SSX7: variants seen among roughly 807,000 people sequenced by gnomAD.
SSX7 encodes SSX family member 7.
A neutral mutation model predicts 14.7 loss-of-function variants in SSX7; 15 were observed. The observed-to-expected ratio is 1.02, with a 90% CI of 0.68 to 1.58. The LOEUF (loss-of-function observed/expected upper bound fraction) is 1.58. Among genes scored for constraint, SSX7 ranks in the 40% most tolerant of loss-of-function variants. SSX7 has a pLI of 0.00. For missense variants in SSX7, 178 were observed against 146.8 expected (o/e 1.21, Z -1.10); for synonymous variants, 46 against 50.6 (o/e 0.91, Z 0.38).
rs1925178792 is a variant in SSX7, at chrX:52,644,754, G to T, written c.*5-84C>A. 3.1e-5 allele frequency: 31 copies of T among 1,008,920 alleles called. 1 individual carries two copies. The highest frequency in any genetic ancestry group is 4.3e-5 in the Non-Finnish European group (31 of 722,553). The allele number at this position is 1,008,920 out of a possible 1,213,427, so 83.1% of individuals were successfully genotyped here. On this transcript the variant is annotated intron_variant, in intron 7 of 7. Coordinates refer to ENST00000298181, the MANE Select transcript of SSX7 (RefSeq NM_173358.2). ...CAATCTCAACTCCTCCTGACCTGCA[G>T]ACCCTGCACACTCTGATTCTGCCCT... is the stretch of plus-strand genomic sequence containing the variant.
intron 5 of SSX7, among the ~76,000 whole-genome samples, chrX:52,648,643 A>G (rs782632153): frequency 1.1e-3 from 127 of 111,947 alleles, no homozygotes; most frequent in African/African-American, 4.0e-3. Flanking sequence ...TGCAAACAGT[A>G]AAAATCTCCA....
At chrX:52,645,783 T>C (rs3014659) in intron 6 of SSX7, among the ~76,000 whole-genome samples, 73 of 111,559 alleles carry the variant, frequency 6.5e-4, no homozygotes, top group African/African-American at 1.9e-3. Context: ...TTCCCAACCT[T>C]TTCACTTACG....
At position 52,648,354 on chromosome X, in the gene SSX7, C is replaced by T. The variant is rs782337395; in HGVS notation, c.373G>A (p.Gly125Arg). The T allele has an allele frequency of 1.9e-5, 23 of 1,211,685 alleles. No homozygotes were observed. The East Asian group carries it at 6.5e-4, about 34-fold the overall frequency. ...TGTGAGCCAGATGCTTCTGGCACTC[C>T]CTTCGAATCATTTCCTTCCTCTGCT... ...KPAEEGNDSK[G>R]VPEASGSQND... Residue 125 changes from glycine to arginine, a missense_variant, in exon 6 of 8, where the codon GGA (glycine) becomes AGA (arginine). Transcript: ENST00000298181.
At chrX:52,653,586 G>A in intron 1 of SSX7, 94 bp from the exon 2 acceptor site, 1 of 1,026,682 alleles carries the variant, frequency 9.7e-7, no homozygotes. Context: ...CAGTCACCTG[G>A]AATCAGGTGC....
chrX:52,653,667 A>T (rs1469175183), intron 1 of SSX7, among the ~76,000 whole-genome samples, 175 bp from the exon 2 acceptor site: 2 of 110,213 alleles, frequency 1.8e-5, no homozygotes, highest in African/African-American at 6.6e-5. Flanking sequence ...AAAATAGGGA[A>T]CCAGGGGTCT....
chrX:52,651,752 G>A (rs6568281), intron 4 of SSX7, among the ~76,000 whole-genome samples: 6,765 of 110,997 alleles, frequency 0.061, 493 homozygotes, highest in African/African-American at 0.21. Flanking sequence ...GCGGGCACCC[G>A]TAACCCCAGC....
chrX:52,648,095 G>A (rs1556766550), intron 6 of SSX7, among the ~76,000 whole-genome samples, 166 bp downstream of exon 6: 1 of 112,120 alleles, frequency 8.9e-6, no homozygotes, highest in African/African-American at 3.2e-5. Context: ...GACAACTCCA[G>A]TCTGTATCTC....
Position 52,653,442 on chromosome X carries a change from G to A in SSX7, c.31C>T (p.Pro11Ser). The A allele has an allele frequency of 1.7e-6, 2 of 1,211,473 alleles. No homozygotes were observed. Among genetic ancestry groups the A allele is most frequent in the South Asian group, 1.8e-5 (1 of 56,929 alleles). Residue 11 changes from proline to serine, a missense_variant, in exon 2 of 8, where the codon CCT becomes TCT. By Grantham distance (74) the Pro-to-Ser change is moderately conservative. Coordinates refer to ENST00000298181, the MANE Select transcript of SSX7 (RefSeq NM_173358.2). Reference sequence around the variant, plus strand: ...TCTGGTATTTGAGCACCAGCCCTAGGTCTCCTTGCAAAGGCGTCGTCTCCG... The same window carrying A: ...TCTGGTATTTGAGCACCAGCCCTAGATCTCCTTGCAAAGGCGTCGTCTCCG... MNGDDAFARR[P>S]RAGAQIPEKI...
intron 4 of SSX7, among the ~76,000 whole-genome samples, chrX:52,651,699 A>T (rs2146497640): frequency 9.0e-6 from 1 of 110,951 alleles, no homozygotes; most frequent in African/African-American, 3.3e-5. Flanking sequence ...AACATGGTAA[A>T]ACCCCGTCTC....
In SSX7 at chrX:52,645,291, A is replaced by C. The variant is rs1250547000; in HGVS notation, c.*4+148T>G. ...GTCAAAAAAAAAAAAAAAACGTGGG[A>C]AATCTCTCATCATTCGGCCTCAATG... On this transcript the variant is annotated intron_variant, in intron 7 of 7. Coordinates refer to ENST00000298181, the MANE Select transcript of SSX7 (RefSeq NM_173358.2). The C allele has an allele frequency of 6.7e-5, 65 of 971,180 alleles. No homozygotes were observed. The East Asian group carries it at 7.7e-4, about 12-fold the overall frequency. The allele number at this position is 971,180 out of a possible 1,213,427, so 80.0% of individuals were successfully genotyped here.
At chrX:52,650,955 G>T (rs1556766933) in intron 4 of SSX7, among the ~76,000 whole-genome samples, 1 of 112,272 alleles carries the variant, frequency 8.9e-6, no homozygotes, top group Non-Finnish European at 1.9e-5. Context: ...TTTAGTTGGG[G>T]AGTAATAGGT....
In SSX7 at chrX:52,645,422, G is replaced by A. The variant is rs200986860; in HGVS notation, c.*4+17C>T. 1.7e-3 allele frequency: 2,043 copies of A among 1,203,822 alleles called. 4 individuals carry two copies. Among genetic ancestry groups the A allele is most frequent in the Non-Finnish European group, 1.5e-3 (1,330 of 892,888 alleles). On this transcript the variant is annotated intron_variant, in intron 7 of 7. Transcript: ENST00000298181. ...ACATCTGCAGGGATGTGGGGGATGA[G>A]CCGAAGGTTCACTTACGGAGTTACT...
In SSX7 at chrX:52,653,238, A is replaced by C. The variant is rs1448347129; in HGVS notation, c.69+166T>G. 6 of 752,198 alleles carry C rather than the reference A, an allele frequency of 8.0e-6. No individual in the cohort carries two copies. In the African/African-American group the frequency reaches 1.4e-4, roughly 17 times the overall value. 62.0% of individuals were successfully genotyped at this position (752,198 alleles called of 1,213,427 possible). A position where few individuals can be genotyped will look rare whatever the true frequency, so the allele number is the denominator to read the frequency against. On this transcript the variant is annotated intron_variant, in intron 2 of 7. Coordinates refer to ENST00000298181, the MANE Select transcript of SSX7 (RefSeq NM_173358.2). ...GTGCACGGTCACAGACTTGTCTCCA[A>C]GGATGCTAGTTGATGACAGAGCGAG...
chrX:52,648,249 C>A lies in SSX7; in HGVS notation c.466+12G>T. The A allele has an allele frequency of 8.3e-7, 1 of 1,207,483 alleles. No individual in the cohort carries two copies. The highest frequency in any genetic ancestry group is 1.1e-6 in the Non-Finnish European group (1 of 893,614). On this transcript the variant is annotated intron_variant, in intron 6 of 7. Coordinates refer to ENST00000298181, the MANE Select transcript of SSX7 (RefSeq NM_173358.2). Reference sequence around the variant, plus strand: ...AAGCCAGAGGGTTTGTTCCCGAATTCTTTCCTCTTACCGGATGTCTTGTTA... The same window carrying A: ...AAGCCAGAGGGTTTGTTCCCGAATTATTTCCTCTTACCGGATGTCTTGTTA...
At position 52,652,182 on chromosome X, in the gene SSX7, T is replaced by C. The variant is rs1925454625; in HGVS notation, c.280+70A>G. The C allele has an allele frequency of 4.3e-6, 4 of 924,244 alleles. No homozygotes were observed. The Admixed American group carries it at 9.0e-5, about 21-fold the overall frequency. 76.2% of individuals were successfully genotyped at this position (924,244 alleles called of 1,213,427 possible). A position where few individuals can be genotyped will look rare whatever the true frequency, so the allele number is the denominator to read the frequency against. ...GAGGGAACAAATGCCTGAGGATCTT[T>C]CCCAAGTAGCTGAGCTGAAAAGCAG... On this transcript the variant is annotated intron_variant, in intron 4 of 7. Coordinates refer to ENST00000298181, the MANE Select transcript of SSX7 (RefSeq NM_173358.2).
intron 5 of SSX7, 144 bp downstream of exon 5, chrX:52,650,209 C>G: frequency 1.4e-6 from 1 of 722,143 alleles, no homozygotes; most frequent in African/African-American, 2.1e-5. Flanking sequence ...TATTATTAAG[C>G]TGTTGGTGCT....
intron 5 of SSX7, among the ~76,000 whole-genome samples, chrX:52,648,965 A>C (rs1556766692): frequency 8.9e-6 from 1 of 111,795 alleles, no homozygotes; most frequent in African/African-American, 3.3e-5. Flanking sequence ...GAATTCAGTG[A>C]GGTGGTACCC....
chrX:52,653,520 C>G (rs1556767331), intron 1 of SSX7, 28 bp from the exon 2 acceptor site: 2 of 1,207,740 alleles, frequency 1.7e-6, no homozygotes, highest in Admixed American at 4.4e-5. Flanking sequence ...TGAGTCTTTC[C>G]AGCCACAGCA....
At chrX:52,648,173 G>A (rs1404420568) in intron 6 of SSX7, 88 bp downstream of exon 6, 5 of 1,131,379 alleles carry the variant, frequency 4.4e-6, no homozygotes, top group African/African-American at 1.8e-5. Context: ...ACCCAGGCTT[G>A]TCTGGGGTCC....
Sources: allele counts gnomAD v4.1 joint callset (sites outside exome capture counted in the v4.1 genomes callset), GRCh38; gene constraint gnomAD v4.1.1; transcripts MANE v1.5; gene names NCBI Gene and HGNC (gene_info 2026-07-23, HGNC 2026-07-21).